SCN3A: variants seen among roughly 807,000 people sequenced by gnomAD.
The protein encoded by SCN3A is sodium channel protein type 3 subunit alpha.
SCN3A carries 60 observed loss-of-function variants against 187.6 expected under a neutral mutation model. The observed-to-expected ratio is 0.32, with a 90% CI of 0.26 to 0.40. The LOEUF (loss-of-function observed/expected upper bound fraction) is 0.40, where lower values mean the gene tolerates loss of function less well. Among genes scored for constraint, SCN3A ranks in the 10% least tolerant of loss-of-function variants. The pLI is 1.00. For synonymous variants in SCN3A, 788 were observed against 829.2 expected (o/e 0.95, Z 0.85); for missense variants, 1,601 against 2,428.2 (o/e 0.66, Z 7.16).
chr2:165,157,267 C>T (rs976594612), intron 9 of SCN3A, among the ~76,000 whole-genome samples: 1 of 152,116 alleles, frequency 6.6e-6, no homozygotes, highest in African/African-American at 2.4e-5. Context: ...GGATACACAT[C>T]GCATTTAGTA....
At chr2:165,149,817 A>G (rs1223154362) in intron 11 of SCN3A, among the ~76,000 whole-genome samples, 6 of 152,206 alleles carry the variant, frequency 3.9e-5, no homozygotes, top group Admixed American at 3.9e-4. Flanking sequence ...TTTACTCAGG[A>G]AATTACATTT....
rs754247713 is a variant in SCN3A at position 165,127,697 on chromosome 2, C to T, written c.3327G>A (p.Glu1109=). ...LTVTVPIAVG[E]SDFENLNTEE... ...CAGTATTTAAGTTTTCAAAGTCAGA[C>T]TCTCCAACAGCAATTGGCACTGTGA... Residue 1109 remains glutamate, a synonymous_variant, in exon 18 of 28, where the codon GAG becomes GAA. Transcript: ENST00000283254. The T allele has an allele frequency of 7.4e-6, 12 of 1,614,064 alleles. No homozygotes were observed. The highest frequency in any genetic ancestry group is 1.6e-4 in the Middle Eastern group (1 of 6,082).
chr2:165,175,285 G>T (rs749673607), intron 3 of SCN3A, among the ~76,000 whole-genome samples: 10 of 151,958 alleles, frequency 6.6e-5, no homozygotes, highest in Non-Finnish European at 1.0e-4. Context: ...ATAAATCGTG[G>T]TTATAAAATG....
Position 165,140,829 on chromosome 2 carries a change from G to C in SCN3A, c.1841C>G (p.Pro614Arg). Residue 614 changes from proline to arginine, a missense_variant, in exon 13 of 28, where the codon CCG becomes CGG. Physicochemically the swap from Pro to Arg is moderately radical, Grantham distance 103. Transcript: ENST00000283254. The surrounding 1 kb of genome is among the most constrained non-coding windows in gnomAD (Gnocchi z 4.2). ...SESRRDSLFVPHRHGERRNSN... is the reference protein window; with the variant it reads ...SESRRDSLFVRHRHGERRNSN... Reference sequence around the variant, plus strand: ...GTTGCGTCGCTCTCCATGTCTGTGCGGCACAAACAGTGAGTCTCTCCTGCT... The same window carrying C: ...GTTGCGTCGCTCTCCATGTCTGTGCCGCACAAACAGTGAGTCTCTCCTGCT... The C allele has an allele frequency of 6.2e-7, 1 of 1,614,060 alleles. No homozygotes were observed. The highest frequency in any genetic ancestry group is 8.5e-7 in the Non-Finnish European group (1 of 1,180,002).
At chr2:165,123,025 A>G (rs1053282216) in intron 18 of SCN3A, 2 of 152,166 alleles carry the variant, frequency 1.3e-5, no homozygotes, top group Non-Finnish European at 2.9e-5. Context: ...AGGAAGACAA[A>G]CCAATAATCT....
At chr2:165,159,667 CTT>C (rs777974249) in intron 9 of SCN3A, among the ~76,000 whole-genome samples, 24 of 115,152 alleles carry the variant, frequency 2.1e-4, no homozygotes, top group East Asian at 7.1e-4. Flanking sequence ...TAGCCCCAGT[CTT>C]TTTTTTTTTT....
chr2:165,139,760 GT>G (rs200435317), intron 13 of SCN3A, 152 bp from the exon 14 acceptor site: 271 of 782,602 alleles, frequency 3.5e-4, no homozygotes, highest in Non-Finnish European at 4.3e-4. Flanking sequence ...GTTATAAACA[GT>G]TTTTTTTTTA....
intron 2 of SCN3A, chr2:165,179,451 C>T (rs898370600): frequency 2.0e-5 from 3 of 152,006 alleles, no homozygotes; most frequent in African/African-American, 4.8e-5. Context: ...TGGAAATCAC[C>T]GAGTAATTTT....
intron 2 of SCN3A, among the ~76,000 whole-genome samples, chr2:165,178,211 A>G (rs957349580): frequency 3.3e-5 from 5 of 151,998 alleles, no homozygotes; most frequent in African/African-American, 1.2e-4. Flanking sequence ...TTTCTATAAC[A>G]TTACTTATTA....
chr2:165,165,503 C>T (rs1689697915), intron 5 of SCN3A, among the ~76,000 whole-genome samples: 1 of 152,120 alleles, frequency 6.6e-6, no homozygotes, highest in African/African-American at 2.4e-5. Context: ...TTTCTATTTG[C>T]TGTTTAATGT....
At chr2:165,189,296 A>T (rs778347530) in intron 1 of SCN3A, among the ~76,000 whole-genome samples, 1 of 152,216 alleles carries the variant, frequency 6.6e-6, no homozygotes, top group African/African-American at 2.4e-5. Flanking sequence ...GATGCAAAAA[A>T]GTCTTTCTCT....
intron 11 of SCN3A, among the ~76,000 whole-genome samples, chr2:165,153,410 A>G (rs536979261): frequency 1.3e-5 from 2 of 152,292 alleles, no homozygotes; most frequent in African/African-American, 4.8e-5. Context: ...AGAATGATTT[A>G]AACAAAAAAG....
At chr2:165,187,380 A>G (rs2105957054) in intron 1 of SCN3A, among the ~76,000 whole-genome samples, 1 of 152,354 alleles carries the variant, frequency 6.6e-6, no homozygotes, top group Admixed American at 6.5e-5. Flanking sequence ...ATGGCTTAGC[A>G]GAGTTAAACC....
At position 165,162,218 on chromosome 2, in the gene SCN3A, G is replaced by T. The variant is rs1055551018; in HGVS notation, c.1031+90C>A. The T allele has an allele frequency of 3.7e-5, 43 of 1,173,062 alleles. No individual in the cohort carries two copies. In the East Asian group the frequency reaches 7.1e-4, roughly 19 times the overall value. The allele number at this position is 1,173,062 out of a possible 1,614,324, so 72.7% of individuals were successfully genotyped here. A position where few individuals can be genotyped will look rare whatever the true frequency, so the allele number is the denominator to read the frequency against. ...TGCTCTTTATTGCATACATGGTAAG[G>T]CTACACATATAACCATGTAGTTGTT... is the stretch of plus-strand genomic sequence containing the variant. On this transcript the variant is annotated intron_variant, in intron 9 of 27. Coordinates refer to ENST00000283254, the MANE Select transcript of SCN3A (RefSeq NM_006922.4).
At chr2:165,131,107 T>C (rs1687286855) in intron 16 of SCN3A, 137 bp downstream of exon 16, 1 of 425,488 alleles carries the variant, frequency 2.4e-6, no homozygotes, top group Non-Finnish European at 3.8e-6. Flanking sequence ...TTAAAGAGGA[T>C]GTTTACATGT....
chr2:165,169,052 A>G (rs928753048), intron 4 of SCN3A, among the ~76,000 whole-genome samples: 1 of 148,146 alleles, frequency 6.8e-6, no homozygotes, highest in African/African-American at 2.5e-5. Context: ...TAGAAAAATG[A>G]TCTCTATTTG....
chr2:165,137,483 TTC>T (rs1687734821), intron 15 of SCN3A, among the ~76,000 whole-genome samples: 1 of 152,172 alleles, frequency 6.6e-6, no homozygotes, highest in Non-Finnish European at 1.5e-5. Context: ...TGTTCTTTTT[TTC>T]ATATACATCA....
chr2:165,181,342 A>G (rs958547847), intron 2 of SCN3A, among the ~76,000 whole-genome samples: 6 of 152,260 alleles, frequency 3.9e-5, no homozygotes, highest in African/African-American at 7.2e-5. Flanking sequence ...ATCAAAAGCC[A>G]TATCAATGAA....
chr2:165,165,628 G>A (rs1689708019), intron 5 of SCN3A, among the ~76,000 whole-genome samples: 1 of 151,948 alleles, frequency 6.6e-6, no homozygotes, highest in Admixed American at 6.6e-5. Flanking sequence ...TTCTTTAAAA[G>A]CACAATTTAA....
Sources: allele counts gnomAD v4.1 joint callset (sites outside exome capture counted in the v4.1 genomes callset), GRCh38; gene constraint gnomAD v4.1.1; non-coding constraint Gnocchi (gnomAD v3.1); transcripts MANE v1.5; gene names NCBI Gene and HGNC (gene_info 2026-07-23, HGNC 2026-07-21).